Variants in TTC7B observed in about 807,000 individuals in gnomAD.
The protein encoded by TTC7B is tetratricopeptide repeat domain 7B, also known as tetratricopeptide repeat protein 7B.
In TTC7B, 28 loss-of-function variants were observed where a neutral mutation model predicts 106.8. The ratio of observed to expected loss-of-function variants is 0.26; its 90% confidence interval spans 0.19 to 0.36. The LOEUF is 0.36. Among genes scored for constraint, TTC7B ranks in the 10% least tolerant of loss-of-function variants. The pLI, the probability that TTC7B is intolerant of heterozygous loss-of-function variation, is 1.00. For synonymous variants in TTC7B, 405 were observed against 430.6 expected (o/e 0.94, Z 0.74); for missense variants, 862 against 1,076.4 (o/e 0.80, Z 2.79).
At chr14:90,605,690 A>G (rs1172299502) in intron 17 of TTC7B, 4 of 1,289,184 alleles carry the variant, frequency 3.1e-6, no homozygotes, top group Non-Finnish European at 3.0e-6. Flanking sequence ...TGAAGATGAG[A>G]AGACACAAAC....
intron 19 of TTC7B, among the ~76,000 whole-genome samples, chr14:90,550,411 T>C (rs1312177323): frequency 6.6e-6 from 1 of 152,240 alleles, no homozygotes; most frequent in Non-Finnish European, 1.5e-5. Flanking sequence ...CATCCCCCTT[T>C]TGTGAATATT....
chr14:90,781,046 A>G (rs1360142190), intron 2 of TTC7B, 140 bp from the exon 3 acceptor site: 1 of 727,944 alleles, frequency 1.4e-6, no homozygotes, highest in Non-Finnish European at 2.3e-6. Context: ...GAGCAGTGTT[A>G]TCCACAATAG....
intron 13 of TTC7B, among the ~76,000 whole-genome samples, chr14:90,649,744 C>A (rs1398305816): frequency 6.6e-6 from 1 of 151,984 alleles, no homozygotes; most frequent in Admixed American, 6.6e-5. Context: ...AACCACCCAC[C>A]CATCCACCTA....
At chr14:90,796,688 T>G (rs2029893385) in intron 1 of TTC7B, among the ~76,000 whole-genome samples, 1 of 152,044 alleles carries the variant, frequency 6.6e-6, no homozygotes, top group African/African-American at 2.4e-5. Context: ...TCTCAACAAC[T>G]CAGTTTCTAT....
chr14:90,717,234 G>C (rs1888692501), intron 5 of TTC7B, among the ~76,000 whole-genome samples: 1 of 151,906 alleles, frequency 6.6e-6, no homozygotes, highest in Non-Finnish European at 1.5e-5. Flanking sequence ...AGCTACTCAG[G>C]AGGCTGAGGC....
At chr14:90,670,502 T>C in intron 9 of TTC7B, among the ~76,000 whole-genome samples, 1 of 152,164 alleles carries the variant, frequency 6.6e-6, no homozygotes, top group Non-Finnish European at 1.5e-5. Flanking sequence ...TAACATGGCA[T>C]ATTAAAAAAA....
At chr14:90,718,320 G>A (rs972989528) in intron 5 of TTC7B, among the ~76,000 whole-genome samples, 3 of 152,208 alleles carry the variant, frequency 2.0e-5, no homozygotes, top group Non-Finnish European at 1.5e-5. Flanking sequence ...CTTCCACTGG[G>A]CTAGGATCTT....
rs1056527851 is a variant in TTC7B, at chr14:90,652,700, T to C, written c.1517+141A>G. 1.2e-5 allele frequency: 10 copies of C among 825,666 alleles called. No individual in the cohort carries two copies. The Admixed American group carries it at 2.1e-4, about 17-fold the overall frequency. The allele number at this position is 825,666 out of a possible 1,614,324, so 51.1% of individuals were successfully genotyped here. A position where few individuals can be genotyped will look rare whatever the true frequency, so the allele number is the denominator to read the frequency against. ...AAGTGATACAGCAGGGTTTGTGTGC[T>C]GTGTGTTCGGTGCTCAGGACGAAAG... On this transcript the variant is annotated intron_variant, in intron 13 of 19. Coordinates refer to ENST00000328459, the MANE Select transcript of TTC7B (RefSeq NM_001010854.2).
chr14:90,689,323 A>G (rs1352623400), intron 7 of TTC7B, among the ~76,000 whole-genome samples: 1 of 152,220 alleles, frequency 6.6e-6, no homozygotes, highest in Non-Finnish European at 1.5e-5. Context: ...CACTGAGATG[A>G]GAGCATTCTC....
intron 5 of TTC7B, among the ~76,000 whole-genome samples, chr14:90,704,736 C>T (rs1192343685): frequency 6.6e-6 from 1 of 152,174 alleles, no homozygotes; most frequent in Non-Finnish European, 1.5e-5. Flanking sequence ...ACAGCAGAAA[C>T]AGGACTCAGA....
chr14:90,730,537 G>A (rs1005619435), intron 4 of TTC7B, among the ~76,000 whole-genome samples: 1 of 152,188 alleles, frequency 6.6e-6, no homozygotes, highest in South Asian at 2.1e-4. Context: ...ACACGGAAGC[G>A]GGTCCTAGCA....
intron 5 of TTC7B, among the ~76,000 whole-genome samples, chr14:90,726,349 G>A (rs907880449): frequency 6.6e-6 from 1 of 152,152 alleles, no homozygotes; most frequent in African/African-American, 2.4e-5. Flanking sequence ...CCAAGCCCAT[G>A]GTTATGCACC....
Position 90,816,336 on chromosome 14 carries a change from A to C in TTC7B, c.-41T>G, listed in dbSNP as rs1353961218. 6.3e-6 allele frequency: 6 copies of C among 946,708 alleles called. No individual in the cohort carries two copies. The highest frequency in any genetic ancestry group is 7.5e-6 in the Non-Finnish European group (6 of 799,320). 58.6% of individuals were successfully genotyped at this position (946,708 alleles called of 1,614,324 possible). ...CCCGGCCGCCCGCCCCGCAGGCCCCACCGCCGCCGCCGCGGCGCCCCCTCG... is the reference window on the plus strand; with the variant it reads ...CCCGGCCGCCCGCCCCGCAGGCCCCCCCGCCGCCGCCGCGGCGCCCCCTCG... On this transcript the variant is annotated 5_prime_UTR_variant, in exon 1 of 20. Transcript: ENST00000328459.
rs1460552112 is a variant in TTC7B, at chr14:90,757,790, C to T, written c.446-12868G>A. 1.3e-5 allele frequency among the ~76,000 whole-genome samples: 2 copies of T among 152,168 alleles called. No individual in the cohort carries two copies. Among genetic ancestry groups the T allele is most frequent in the African/African-American group, 4.8e-5 (2 of 41,428 alleles). On this transcript the variant is annotated intron_variant, in intron 3 of 19. Transcript: ENST00000328459. This position sits in a 1 kb window ranked among gnomAD's most constrained non-coding sequence, Gnocchi z 4.1. ...AGATCTCACTTGAAGACATGAATCT[C>T]TCAAGGAACACTCCAGGAAAATCCT...
Position 90,816,221 on chromosome 14 carries a change from C to T in TTC7B, c.75G>A (p.Arg25=), listed in dbSNP as rs1408351911. The change falls in exon 1 of 20, where the codon CGG becomes CGA. Residue 25 remains arginine, a synonymous_variant. Coordinates refer to ENST00000328459, the MANE Select transcript of TTC7B (RefSeq NM_001010854.2). Reference sequence around the variant, plus strand: ...ACAGCTGCTTGACGAGCTCAGGGATCCGCTCCCACTGGCACTCGGAGCGGC... The same window carrying T: ...ACAGCTGCTTGACGAGCTCAGGGATTCGCTCCCACTGGCACTCGGAGCGGC... ...ERCRSECQWE[R]IPELVKQLSA... is the part of the protein sequence containing the mutation. 2.4e-6 allele frequency: 3 copies of T among 1,274,990 alleles called. No individual in the cohort carries two copies. Among genetic ancestry groups the T allele is most frequent in the East Asian group, 1.3e-4 (2 of 15,770 alleles). 79.0% of individuals were successfully genotyped at this position (1,274,990 alleles called of 1,614,324 possible).
At chr14:90,753,846 T>C (rs778553239) in intron 3 of TTC7B, among the ~76,000 whole-genome samples, 1 of 152,212 alleles carries the variant, frequency 6.6e-6, no homozygotes, top group Non-Finnish European at 1.5e-5. Flanking sequence ...ATGCCAGCCT[T>C]GGATTAGACA....
rs779840600 is a variant in TTC7B at position 90,578,335 on chromosome 14, C to CT, written c.2108-28dup. On this transcript the variant is annotated intron_variant, in intron 18 of 19. Transcript: ENST00000328459. The surrounding 1 kb of genome is among the most constrained non-coding windows in gnomAD (Gnocchi z 4.7). ...TGTGAGGAGACAGCAACGGCACATGCTTTCCTGGTGCCCCTCTGAGGCCCT... is the reference window on the plus strand; with the variant it reads ...TGTGAGGAGACAGCAACGGCACATGCTTTTCCTGGTGCCCCTCTGAGGCCCT... The CT allele has an allele frequency of 3.8e-5, 61 of 1,605,460 alleles. No individual in the cohort carries two copies. In the South Asian group the frequency reaches 5.8e-4, roughly 15 times the overall value.
At chr14:90,704,546 T>G (rs1000172872) in intron 5 of TTC7B, among the ~76,000 whole-genome samples, 1 of 152,132 alleles carries the variant, frequency 6.6e-6, no homozygotes, top group African/African-American at 2.4e-5. Context: ...GACTACCTCC[T>G]ATGACGCAAA....
At chr14:90,717,740 C>A (rs1442638662) in intron 5 of TTC7B, among the ~76,000 whole-genome samples, 2 of 152,184 alleles carry the variant, frequency 1.3e-5, no homozygotes, top group African/African-American at 2.4e-5. Flanking sequence ...CCCCAGCCCA[C>A]CTTCGTGTAA....
Sources: allele counts gnomAD v4.1 joint callset (sites outside exome capture counted in the v4.1 genomes callset), GRCh38; gene constraint gnomAD v4.1.1; non-coding constraint Gnocchi (gnomAD v3.1); transcripts MANE v1.5; gene names NCBI Gene and HGNC (gene_info 2026-07-23, HGNC 2026-07-21).